The following OPCML variants were observed in gnomAD, a reference collection of about 807,000 sequenced individuals.
OPCML encodes opioid-binding protein/cell adhesion molecule.
Under a neutral mutation model 37.8 loss-of-function variants are expected in OPCML, and 13 were observed. That is an observed-to-expected ratio of 0.34 (90% CI 0.22 to 0.55). The LOEUF is 0.55. Among genes scored for constraint, OPCML ranks in the 20% least tolerant of loss-of-function variants. OPCML has a pLI of 0.91. For synonymous variants in OPCML, 176 were observed against 168.8 expected, an observed-to-expected ratio of 1.04 and a Z score of -0.33; for missense variants, 341 against 435.6, an observed-to-expected ratio of 0.78 and a Z score of 1.93.
At chr11:132,931,727 T>C (rs377586194) in intron 2 of OPCML, among the ~76,000 whole-genome samples, 22 of 152,220 alleles carry the variant, frequency 1.4e-4, no homozygotes, top group Non-Finnish European at 2.1e-4. Flanking sequence ...AAAATGACTC[T>C]ACCACTATGA....
intron 4 of OPCML, among the ~76,000 whole-genome samples, chr11:132,441,382 A>G (rs10894561): frequency 0.27 from 40,170 of 150,354 alleles, 5,603 homozygotes; most frequent in Non-Finnish European, 0.3. Flanking sequence ...TTTAGCCGGG[A>G]TGGTCTCGAT....
intron 1 of OPCML, among the ~76,000 whole-genome samples, chr11:133,114,243 A>ACTCCCAGC (rs1311644007): frequency 2.0e-5 from 3 of 151,956 alleles, no homozygotes; most frequent in South Asian, 2.1e-4. Context: ...CCACAGCCAG[A>ACTCCCAGC]CTCCCAGCCT....
intron 2 of OPCML, among the ~76,000 whole-genome samples, chr11:132,679,504 G>A (rs1356706596): frequency 2.6e-5 from 4 of 152,178 alleles, no homozygotes; most frequent in Admixed American, 6.5e-5. Flanking sequence ...ATCTCCTATT[G>A]TATGATTCCA....
intron 1 of OPCML, among the ~76,000 whole-genome samples, chr11:133,345,139 G>A (rs185172836): frequency 6.6e-6 from 1 of 152,202 alleles, no homozygotes; most frequent in East Asian, 1.9e-4. Context: ...CCTGGAAACA[G>A]TAAAATATCA....
At position 133,282,717 on chromosome 11, in the gene OPCML, C is replaced by T. The variant is rs541205380; in HGVS notation, c.61+249547G>A. 1.7e-4 allele frequency among the ~76,000 whole-genome samples: 26 copies of T among 152,300 alleles called. No homozygotes were observed. In the South Asian group the frequency reaches 5.0e-3, roughly 29 times the overall value. On this transcript the variant is annotated intron_variant, in intron 1 of 7. Transcript: ENST00000524381. ...CTGGAAAAGCCATAGGCACTCAACT[C>T]CAACCTGTGAGAGCAGCCACAGGGT...
At chr11:133,364,194 G>A (rs563627169) in intron 1 of OPCML, among the ~76,000 whole-genome samples, 24 of 152,310 alleles carry the variant, frequency 1.6e-4, no homozygotes, top group African/African-American at 5.5e-4. Flanking sequence ...TCAAATTTTA[G>A]TTCAGTCACT....
intron 1 of OPCML, among the ~76,000 whole-genome samples, chr11:133,096,760 T>A (rs1949009656): frequency 6.6e-6 from 1 of 152,024 alleles, no homozygotes; most frequent in Non-Finnish European, 1.5e-5. Context: ...TTTCCTGAAA[T>A]CTGAAATTAG....
chr11:133,004,794 C>A, intron 1 of OPCML: 4 of 985,446 alleles, frequency 4.1e-6, no homozygotes, highest in Non-Finnish European at 4.8e-6. Context: ...CTTCCTTCCA[C>A]CACACTCCGT....
At chr11:133,528,424 G>A (rs868772696) in intron 1 of OPCML, among the ~76,000 whole-genome samples, 18 of 152,184 alleles carry the variant, frequency 1.2e-4, no homozygotes, top group Admixed American at 7.2e-4. Flanking sequence ...TGAGTCTGGC[G>A]CGTGGATTCC....
chr11:133,020,390 C>T (rs532461017), intron 1 of OPCML, among the ~76,000 whole-genome samples: 1 of 152,336 alleles, frequency 6.6e-6, no homozygotes, highest in Non-Finnish European at 1.5e-5. Flanking sequence ...CAGCCCACTT[C>T]AACCCCTCTG....
At chr11:132,839,149 T>C (rs1293827300) in intron 2 of OPCML, among the ~76,000 whole-genome samples, 1 of 152,118 alleles carries the variant, frequency 6.6e-6, no homozygotes, top group Non-Finnish European at 1.5e-5. Flanking sequence ...AGGGAAAGCA[T>C]TTTCATCACC....
chr11:132,462,584 A>G (rs1348348790), intron 4 of OPCML, among the ~76,000 whole-genome samples: 1 of 152,230 alleles, frequency 6.6e-6, no homozygotes, highest in East Asian at 1.9e-4. Context: ...CTTCCTGGCT[A>G]GAGTCTCCTT....
intron 1 of OPCML, among the ~76,000 whole-genome samples, chr11:133,488,370 T>C (rs1947578653): frequency 6.6e-6 from 1 of 152,108 alleles, no homozygotes; most frequent in Admixed American, 6.6e-5. Context: ...AAACTCTAGA[T>C]ACCACCAAAA....
At position 133,444,290 on chromosome 11, in the gene OPCML, A is replaced by T. The variant is rs570379121; in HGVS notation, c.61+87974T>A. On this transcript the variant is annotated intron_variant, in intron 1 of 7. Coordinates refer to ENST00000524381, the MANE Select transcript of OPCML (RefSeq NM_001012393.5). ...GTCATTTGGTGACATAGAAAAAAAG[A>T]GTTAGTTTCTTACTCTCAACAAGCT... Among the ~76,000 whole-genome samples the T allele has an allele frequency of 2.6e-5, 4 of 152,320 alleles. No individual in the cohort carries two copies. The South Asian group carries it at 8.3e-4, about 32-fold the overall frequency.
intron 4 of OPCML, among the ~76,000 whole-genome samples, chr11:132,475,656 C>T (rs545994008): frequency 1.4e-4 from 21 of 152,092 alleles, no homozygotes; most frequent in South Asian, 4.2e-4. Flanking sequence ...GGCCTGCATG[C>T]GCCTTGCACT....
intron 1 of OPCML, among the ~76,000 whole-genome samples, chr11:133,444,995 A>T (rs1277564081): frequency 7.2e-6 from 1 of 139,024 alleles, no homozygotes; most frequent in Non-Finnish European, 1.5e-5. Context: ...AAGAGACCAC[A>T]GACCATATCC....
intron 2 of OPCML, among the ~76,000 whole-genome samples, chr11:132,883,168 T>C (rs1196492227): frequency 6.6e-6 from 1 of 152,000 alleles, no homozygotes; most frequent in South Asian, 2.1e-4. Context: ...ATGCAACACG[T>C]GAATCTACTG....
At chr11:133,124,105 A>C (rs1376070979) in intron 1 of OPCML, among the ~76,000 whole-genome samples, 1 of 152,050 alleles carries the variant, frequency 6.6e-6, no homozygotes, top group Non-Finnish European at 1.5e-5. Context: ...AATGTAAGAG[A>C]AGAGTGCAAA....
intron 1 of OPCML, among the ~76,000 whole-genome samples, chr11:132,980,583 T>C (rs1245829559): frequency 1.3e-5 from 2 of 152,206 alleles, no homozygotes; most frequent in Non-Finnish European, 2.9e-5. Flanking sequence ...GGAATGCACT[T>C]GAAGTGCCTT....
Sources: gnomAD v4.1 joint callset for allele counts (sites outside exome capture counted in the v4.1 genomes callset) on GRCh38, gnomAD v4.1.1 for gene constraint, MANE v1.5 for transcripts, NCBI Gene and HGNC (gene_info 2026-07-23, HGNC 2026-07-21) for gene names.